FHIT: variants seen among roughly 807,000 people sequenced by gnomAD.
FHIT encodes the protein bis(5'-adenosyl)-triphosphatase.
A neutral mutation model predicts 17.9 loss-of-function variants in FHIT; 19 were observed. That is an observed-to-expected ratio of 1.06 (90% CI 0.74 to 1.56). The LOEUF (loss-of-function observed/expected upper bound fraction) is 1.56. FHIT is among the 40% of genes most tolerant of loss of function. FHIT has a pLI of 0.00. For synonymous variants in FHIT, 81 were observed against 69.7 expected (o/e 1.16, Z -0.81); for missense variants, 248 against 189.2 (o/e 1.31, Z -1.82).
intron 3 of FHIT, among the ~76,000 whole-genome samples, chr3:60,910,049 G>C (rs1575675716): frequency 6.6e-6 from 1 of 152,128 alleles, no homozygotes; most frequent in Non-Finnish European, 1.5e-5. Context: ...CTCATCTTCT[G>C]ATTCCTTTAA....
chr3:60,233,865 G>A lies in FHIT; in HGVS notation c.104-219713C>T, dbSNP rs79590189. Among the ~76,000 whole-genome samples, 370 of 152,218 alleles carry A rather than the reference G, an allele frequency of 2.4e-3. 2 individuals carry two copies. The highest frequency in any genetic ancestry group is 0.014 in the South Asian group (68 of 4,816). On this transcript the variant is annotated intron_variant, in intron 5 of 9. Coordinates refer to ENST00000492590, the MANE Select transcript of FHIT (RefSeq NM_002012.4). ...CCCCTGTACTTACATCTTGCCTGCC[G>A]CCATGTAAGATGTGCCTTTGCTCCT...
intron 4 of FHIT, among the ~76,000 whole-genome samples, chr3:60,547,290 C>T (rs1358313052): frequency 6.6e-6 from 1 of 152,084 alleles, no homozygotes; most frequent in Non-Finnish European, 1.5e-5. Context: ...TTTCTGTAAG[C>T]CAGAGAAGCA....
intron 9 of FHIT, chr3:59,751,668 T>G: frequency 4.4e-6 from 1 of 228,360 alleles, no homozygotes; most frequent in Non-Finnish European, 8.7e-6. Flanking sequence ...AAGCCTTGAC[T>G]TTTCCCTGTG....
chr3:60,481,953 TA>T (rs1290289388), intron 5 of FHIT, among the ~76,000 whole-genome samples: 1 of 152,006 alleles, frequency 6.6e-6, no homozygotes, highest in East Asian at 1.9e-4. Flanking sequence ...AAGACACAAA[TA>T]GACTCAAAAT....
intron 5 of FHIT, among the ~76,000 whole-genome samples, chr3:60,158,352 C>A (rs904571692): frequency 6.6e-6 from 1 of 151,874 alleles, no homozygotes; most frequent in African/African-American, 2.4e-5. Context: ...AGAATCTCTG[C>A]CCAGTCTGGA....
chr3:60,092,303 T>C (rs1178523287), intron 5 of FHIT, among the ~76,000 whole-genome samples: 1 of 152,218 alleles, frequency 6.6e-6, no homozygotes, highest in Non-Finnish European at 1.5e-5. Flanking sequence ...CATAAAGATC[T>C]ACAGTCTTTG....
chr3:61,024,887 T>TA (rs2032652224), intron 3 of FHIT, among the ~76,000 whole-genome samples: 1 of 151,580 alleles, frequency 6.6e-6, no homozygotes. Flanking sequence ...AGTGACAGCT[T>TA]TTTTTTTTCT....
chr3:60,450,889 T>C (rs375632438), intron 5 of FHIT, among the ~76,000 whole-genome samples: 43 of 152,324 alleles, frequency 2.8e-4, no homozygotes, highest in African/African-American at 9.6e-4. Flanking sequence ...GCCAGGTCCA[T>C]ATAGAGAATA....
Position 60,134,646 on chromosome 3 carries a change from T to G in FHIT, c.104-120494A>C, listed in dbSNP as rs532686792. 3.3e-5 allele frequency among the ~76,000 whole-genome samples: 5 copies of G among 152,308 alleles called. No homozygotes were observed. In the South Asian group the frequency reaches 1.0e-3, roughly 32 times the overall value. On this transcript the variant is annotated intron_variant, in intron 5 of 9. Coordinates refer to ENST00000492590, the MANE Select transcript of FHIT (RefSeq NM_002012.4). ...TTACAAGGTTTTACTTCCACAATAATGGGCTCCTGTTCAGTCTCTCTTGCC... is the reference window on the plus strand; with the variant it reads ...TTACAAGGTTTTACTTCCACAATAAGGGGCTCCTGTTCAGTCTCTCTTGCC...
At chr3:60,178,733 T>A (rs570329314) in intron 5 of FHIT, among the ~76,000 whole-genome samples, 1 of 152,282 alleles carries the variant, frequency 6.6e-6, no homozygotes, top group African/African-American at 2.4e-5. Context: ...AGCAATCTGA[T>A]CCCATGTGAT....
intron 5 of FHIT, among the ~76,000 whole-genome samples, chr3:60,161,212 G>A (rs1055518688): frequency 7.2e-5 from 11 of 152,204 alleles, no homozygotes; most frequent in Non-Finnish European, 1.2e-4. Context: ...GTGGCAAATC[G>A]GTAGCATTGC....
chr3:61,103,832 C>G (rs574642445), intron 2 of FHIT, among the ~76,000 whole-genome samples: 7 of 151,058 alleles, frequency 4.6e-5, no homozygotes, highest in African/African-American at 1.7e-4. Context: ...CTCTTTTGAT[C>G]TTTGTTGGTT....
intron 8 of FHIT, among the ~76,000 whole-genome samples, chr3:59,851,221 C>T (rs1701919497): frequency 6.6e-6 from 1 of 152,020 alleles, no homozygotes; most frequent in African/African-American, 2.4e-5. Context: ...ATCCTCATAG[C>T]TCAAAAACGA....
chr3:60,387,628 C>T (rs1257396446), intron 5 of FHIT, among the ~76,000 whole-genome samples: 2 of 152,088 alleles, frequency 1.3e-5, no homozygotes, highest in African/African-American at 4.8e-5. Flanking sequence ...TTCTCCAACC[C>T]TATGTCTCAG....
At chr3:59,780,881 A>G (rs141415198) in intron 8 of FHIT, among the ~76,000 whole-genome samples, 96 of 152,356 alleles carry the variant, frequency 6.3e-4, no homozygotes, top group African/African-American at 2.3e-3. Context: ...AGATACCTCA[A>G]GATGGCTACA....
At chr3:61,129,848 C>T (rs2036714716) in intron 2 of FHIT, among the ~76,000 whole-genome samples, 1 of 152,184 alleles carries the variant, frequency 6.6e-6, no homozygotes, top group African/African-American at 2.4e-5. Flanking sequence ...CCTAGCAGCA[C>T]TGAATTCTTA....
chr3:60,720,661 A>G (rs2041789803), intron 4 of FHIT, among the ~76,000 whole-genome samples: 2 of 152,178 alleles, frequency 1.3e-5, no homozygotes, highest in Admixed American at 6.5e-5. Context: ...GGTGGGACCC[A>G]TGCACCTGAG....
At chr3:60,862,889 C>T (rs868939395) in intron 3 of FHIT, among the ~76,000 whole-genome samples, 1 of 151,674 alleles carries the variant, frequency 6.6e-6, no homozygotes, top group Non-Finnish European at 1.5e-5. Flanking sequence ...CCTGGTTATC[C>T]AATTAAACAC....
chr3:60,272,593 A>C (rs1437692597), intron 5 of FHIT, among the ~76,000 whole-genome samples: 2 of 152,190 alleles, frequency 1.3e-5, no homozygotes, highest in African/African-American at 4.8e-5. Flanking sequence ...GACTCCCAAA[A>C]CTAATCAAAG....
Sources: allele counts gnomAD v4.1 joint callset (sites outside exome capture counted in the v4.1 genomes callset), GRCh38; gene constraint gnomAD v4.1.1; transcripts MANE v1.5; gene names NCBI Gene and HGNC (gene_info 2026-07-23, HGNC 2026-07-21).